SCMH1: variants seen among roughly 807,000 people sequenced by gnomAD.
The protein encoded by SCMH1 is polycomb protein SCMH1.
A neutral mutation model predicts 70.8 loss-of-function variants in SCMH1; 37 were observed. The ratio of observed to expected loss-of-function variants is 0.52; its 90% CI spans 0.40 to 0.69. SCMH1 has a LOEUF of 0.69. Among genes scored for constraint, SCMH1 ranks in the 30% least tolerant of loss-of-function variants. The probability of loss-of-function intolerance (pLI) is 0.00; values close to 1 mark genes in which losing one functional copy is unlikely to be tolerated. For synonymous variants in SCMH1, 292 were observed against 307.4 expected, an observed-to-expected ratio of 0.95 and a Z score of 0.52; for missense variants, 607 against 827.3, an observed-to-expected ratio of 0.73 and a Z score of 3.27.
At chr1:41,069,809 T>C (rs74071146) in intron 10 of SCMH1, among the ~76,000 whole-genome samples, 2,031 of 152,290 alleles carry the variant, frequency 0.013, 47 homozygotes, top group African/African-American at 0.046. Flanking sequence ...TCATCTTCTA[T>C]CGGTTATGGG....
At chr1:41,169,428 CAG>C (rs1279609595) in intron 2 of SCMH1, among the ~76,000 whole-genome samples, 2 of 152,116 alleles carry the variant, frequency 1.3e-5, no homozygotes, top group Non-Finnish European at 2.9e-5. Context: ...GCTCACTGCT[CAG>C]AGGAGGTATA....
intron 1 of SCMH1, among the ~76,000 whole-genome samples, chr1:41,191,742 T>C (rs1302759827): frequency 6.6e-6 from 1 of 152,194 alleles, no homozygotes; most frequent in East Asian, 1.9e-4. Context: ...ACAATATATA[T>C]GTATTTTTTT....
intron 1 of SCMH1, among the ~76,000 whole-genome samples, chr1:41,221,946 T>TTGAC (rs1659393273): frequency 7.0e-6 from 1 of 142,696 alleles, no homozygotes; most frequent in South Asian, 2.2e-4. Context: ...GGACTGGAGA[T>TTGAC]TGACATCATT....
chr1:41,216,980 T>C (rs1658218889), intron 1 of SCMH1, among the ~76,000 whole-genome samples: 1 of 152,196 alleles, frequency 6.6e-6, no homozygotes, highest in Non-Finnish European at 1.5e-5. Flanking sequence ...AGGAAACTAA[T>C]ACAGATTTTG....
At chr1:41,214,384 A>C (rs1657668109) in intron 1 of SCMH1, among the ~76,000 whole-genome samples, 1 of 152,134 alleles carries the variant, frequency 6.6e-6, no homozygotes, top group African/African-American at 2.4e-5. Context: ...CTTAAGTGTC[A>C]AAGTCCTTTA....
At chr1:41,117,764 C>T (rs1194431814) in intron 6 of SCMH1, among the ~76,000 whole-genome samples, 2 of 148,600 alleles carry the variant, frequency 1.3e-5, no homozygotes, top group African/African-American at 2.5e-5. Flanking sequence ...TCTCTCTCTC[C>T]TCTCTCTCTC....
chr1:41,163,723 T>C (rs1223354863), intron 2 of SCMH1, among the ~76,000 whole-genome samples: 2 of 152,176 alleles, frequency 1.3e-5, no homozygotes, highest in Non-Finnish European at 2.9e-5. Flanking sequence ...ACTTCTAGCC[T>C]TCAGAATTGT....
At chr1:41,117,043 G>A (rs1464503899) in intron 6 of SCMH1, 33 bp from the exon 7 acceptor site, 10 of 1,574,214 alleles carry the variant, frequency 6.4e-6, no homozygotes, top group South Asian at 1.2e-5. Flanking sequence ...CAGATTAAAA[G>A]TATGTTTCAA....
At position 41,145,923 on chromosome 1, in the gene SCMH1, CTA is replaced by C. The variant is rs1436954047; in HGVS notation, c.178-2813_178-2812del. Among the ~76,000 whole-genome samples the C allele has an allele frequency of 5.9e-5, 9 of 152,240 alleles. No individual in the cohort carries two copies. In the East Asian group the frequency reaches 1.5e-3, roughly 26 times the overall value. ...GTACATAATACTTGATAACAATTGA[CTA>C]TGTTACTGGTTTATGTGTTTACTAT... On this transcript the variant is annotated intron_variant, in intron 5 of 14. Transcript: ENST00000337495.
chr1:41,172,379 G>A (rs1026109092), intron 2 of SCMH1, among the ~76,000 whole-genome samples: 1 of 151,814 alleles, frequency 6.6e-6, no homozygotes, highest in Non-Finnish European at 1.5e-5. Context: ...TTTATCCAAG[G>A]AGGTGAAAGA....
intron 1 of SCMH1, among the ~76,000 whole-genome samples, chr1:41,211,748 A>G (rs774168045): frequency 2.8e-4 from 43 of 152,262 alleles, no homozygotes; most frequent in Non-Finnish European, 5.3e-4. Context: ...TCACAATAGC[A>G]AAGACTTGTA....
At chr1:41,181,691 A>G (rs1287293032) in intron 2 of SCMH1, among the ~76,000 whole-genome samples, 1 of 152,242 alleles carries the variant, frequency 6.6e-6, no homozygotes, top group African/African-American at 2.4e-5. Context: ...TTAAAAAGTC[A>G]GGAAACAACA....
At chr1:41,241,777 G>C (rs1160566572) in intron 1 of SCMH1, among the ~76,000 whole-genome samples, 1 of 151,854 alleles carries the variant, frequency 6.6e-6, no homozygotes, top group Non-Finnish European at 1.5e-5. Flanking sequence ...CCCCCGGGCA[G>C]TCCTGGCGGC....
intron 2 of SCMH1, among the ~76,000 whole-genome samples, chr1:41,177,072 T>C (rs1297443191): frequency 6.6e-6 from 1 of 152,190 alleles, no homozygotes; most frequent in East Asian, 1.9e-4. Context: ...CAGCAACATT[T>C]GCTGTTCACC....
At chr1:41,044,349 C>G (rs978384807) in intron 12 of SCMH1, among the ~76,000 whole-genome samples, 2 of 152,040 alleles carry the variant, frequency 1.3e-5, no homozygotes, top group East Asian at 1.9e-4. Flanking sequence ...TTGTACAGAT[C>G]GAGCTCTTTG....
chr1:41,073,588 C>T (rs1378907558), intron 9 of SCMH1, among the ~76,000 whole-genome samples: 1 of 151,944 alleles, frequency 6.6e-6, no homozygotes, highest in African/African-American at 2.4e-5. Context: ...AAATAAGAGA[C>T]AACTGAGATT....
At chr1:41,076,834 T>G (rs1249888127) in intron 8 of SCMH1, among the ~76,000 whole-genome samples, 1 of 151,940 alleles carries the variant, frequency 6.6e-6, no homozygotes, top group Non-Finnish European at 1.5e-5. Flanking sequence ...AGAGAGTGAG[T>G]AGCAGTAAAA....
rs1572559107 is a variant in SCMH1 at position 41,143,096 on chromosome 1, C to G, written c.194G>C (p.Ser65Thr). Residue 65 changes from serine to threonine, a missense_variant, in exon 6 of 15, where the codon AGC becomes ACC. Transcript: ENST00000337495. ...TTTCATACTGATCTTGAACTCGTTG[C>G]TTGGAGGTGTGTAGGACTGGGAAAA... 10 of 1,613,962 alleles carry G rather than the reference C, an allele frequency of 6.2e-6. No homozygotes were observed. The East Asian group carries it at 2.2e-4, about 36-fold the overall frequency.
chr1:41,090,845 C>T (rs1171546763), intron 8 of SCMH1, among the ~76,000 whole-genome samples: 1 of 152,034 alleles, frequency 6.6e-6, no homozygotes, highest in Non-Finnish European at 1.5e-5. Flanking sequence ...CGAGACCATC[C>T]TGGCTAACAC....
Sources: gnomAD v4.1 joint callset for allele counts (sites outside exome capture counted in the v4.1 genomes callset) on GRCh38, gnomAD v4.1.1 for gene constraint, MANE v1.5 for transcripts, NCBI Gene and HGNC (gene_info 2026-07-23, HGNC 2026-07-21) for gene names.